Variants in AXDND1 observed in about 807,000 individuals in gnomAD.
The protein encoded by AXDND1 is axonemal dynein light chain domain-containing protein 1.
AXDND1 carries 110 observed loss-of-function variants against 137.5 expected under a neutral mutation model. The ratio of observed to expected loss-of-function variants is 0.80; its 90% CI spans 0.69 to 0.94. AXDND1 has a LOEUF of 0.94. Ranked by LOEUF, AXDND1 falls within the 40% of genes least tolerant of loss-of-function variation. The pLI, the probability that AXDND1 is intolerant of heterozygous loss-of-function variation, is 0.00. For synonymous variants in AXDND1, 414 were observed against 399.7 expected (o/e 1.04, Z -0.43); for missense variants, 1,191 against 1,169.8 (o/e 1.02, Z -0.26).
intron 15 of AXDND1, among the ~76,000 whole-genome samples, chr1:179,435,173 C>T (rs1657966912): frequency 1.3e-5 from 2 of 152,114 alleles, no homozygotes; most frequent in Admixed American, 1.3e-4. Flanking sequence ...CTACAAAACA[C>T]TGCTCAAGGA....
At chr1:179,443,094 A>C (rs1382313703) in intron 15 of AXDND1, among the ~76,000 whole-genome samples, 1 of 152,184 alleles carries the variant, frequency 6.6e-6, no homozygotes, top group Non-Finnish European at 1.5e-5. Flanking sequence ...TTCTCAATAG[A>C]TAACTTCAAG....
At chr1:179,443,723 T>C (rs1286683237) in intron 15 of AXDND1, among the ~76,000 whole-genome samples, 2 of 152,204 alleles carry the variant, frequency 1.3e-5, no homozygotes, top group African/African-American at 4.8e-5. Flanking sequence ...TTGCAGCAAG[T>C]GTCAGAATTT....
chr1:179,436,545 A>T (rs527845110), intron 15 of AXDND1, among the ~76,000 whole-genome samples: 1 of 152,322 alleles, frequency 6.6e-6, no homozygotes, highest in Non-Finnish European at 1.5e-5. Flanking sequence ...TTGCAGGGAC[A>T]TGGATGAAGC....
chr1:179,437,391 CAGT>C, intron 15 of AXDND1, among the ~76,000 whole-genome samples: 1 of 152,164 alleles, frequency 6.6e-6, no homozygotes, highest in Non-Finnish European at 1.5e-5. Flanking sequence ...CTAGATTTCT[CAGT>C]AGGTAACTTC....
At chr1:179,505,823 A>C (rs555095905) in intron 20 of AXDND1, among the ~76,000 whole-genome samples, 1 of 152,280 alleles carries the variant, frequency 6.6e-6, no homozygotes, top group Admixed American at 6.5e-5. Flanking sequence ...AAGAGTACTA[A>C]GGCAGTCCAG....
intron 16 of AXDND1, among the ~76,000 whole-genome samples, chr1:179,457,832 G>T (rs1415091022): frequency 6.6e-6 from 1 of 152,126 alleles, no homozygotes; most frequent in Non-Finnish European, 1.5e-5. Flanking sequence ...TTTACTTTCA[G>T]CCATGGATAC....
chr1:179,494,541 CTT>C (rs34915274), intron 20 of AXDND1, among the ~76,000 whole-genome samples: 62 of 141,558 alleles, frequency 4.4e-4, no homozygotes, highest in Admixed American at 8.4e-4. Flanking sequence ...TGTGATTTGT[CTT>C]TTTTTTTTTT....
chr1:179,511,101 AGGCTGCAGTGAGCCGAGATCAC>A (rs1669000810), intron 21 of AXDND1, among the ~76,000 whole-genome samples: 1 of 151,798 alleles, frequency 6.6e-6, no homozygotes, highest in African/African-American at 2.4e-5. Context: ...CAGGAGGTGG[AGGCTGCAGTGAGCCGAGATCAC>A]GCCACTGCAT....
At chr1:179,485,191 G>A (rs12137397) in intron 18 of AXDND1, among the ~76,000 whole-genome samples, 69,386 of 152,030 alleles carry the variant, frequency 0.46, 16,716 homozygotes, top group East Asian at 0.76. Flanking sequence ...TGATGAGCAC[G>A]CACCCTGCTG....
At chr1:179,431,722 G>C (rs1163712618) in intron 14 of AXDND1, among the ~76,000 whole-genome samples, 2 of 152,130 alleles carry the variant, frequency 1.3e-5, no homozygotes, top group Non-Finnish European at 2.9e-5. Flanking sequence ...CAAGCTGGCT[G>C]CTCCTGCCGT....
chr1:179,530,061 G>A (rs1297154750), intron 23 of AXDND1, among the ~76,000 whole-genome samples: 3 of 152,050 alleles, frequency 2.0e-5, no homozygotes, highest in South Asian at 4.1e-4. Context: ...CAGAGTCTTC[G>A]CACTGTCACC....
chr1:179,369,532 G>T (rs1396961430), intron 3 of AXDND1, among the ~76,000 whole-genome samples: 1 of 151,978 alleles, frequency 6.6e-6, no homozygotes, highest in Non-Finnish European at 1.5e-5. Flanking sequence ...TGCGCCTATA[G>T]TCCCAGCTAC....
At chr1:179,405,706 C>A (rs1172977912) in intron 11 of AXDND1, among the ~76,000 whole-genome samples, 1 of 134,478 alleles carries the variant, frequency 7.4e-6, no homozygotes, top group Non-Finnish European at 1.7e-5. Flanking sequence ...TCAGTTATAT[C>A]TCTTTTTGTT....
chr1:179,506,999 T>G, intron 20 of AXDND1: 1 of 709,910 alleles, frequency 1.4e-6, no homozygotes, highest in Non-Finnish European at 1.7e-6. Flanking sequence ...GCTCCATTTA[T>G]AGCCAGTGTC....
At chr1:179,530,150 C>T (rs1055732409) in intron 23 of AXDND1, among the ~76,000 whole-genome samples, 7 of 152,166 alleles carry the variant, frequency 4.6e-5, no homozygotes, top group Admixed American at 1.3e-4. Flanking sequence ...CTGCCTCAGC[C>T]TCCCAAGTAC....
At chr1:179,513,018 T>C (rs1318185990) in intron 21 of AXDND1, among the ~76,000 whole-genome samples, 1 of 152,196 alleles carries the variant, frequency 6.6e-6, no homozygotes, top group East Asian at 1.9e-4. Flanking sequence ...AATGACAGTT[T>C]GACTTCCTCT....
At chr1:179,487,754 T>C (rs1666243411) in intron 18 of AXDND1, among the ~76,000 whole-genome samples, 1 of 148,202 alleles carries the variant, frequency 6.7e-6, no homozygotes, top group Non-Finnish European at 1.5e-5. Context: ...CGACACTTTG[T>C]AAGGCCAAGG....
chr1:179,423,425 A>T (rs1656068925), intron 12 of AXDND1, among the ~76,000 whole-genome samples: 1 of 152,052 alleles, frequency 6.6e-6, no homozygotes, highest in South Asian at 2.1e-4. Context: ...AATTGAGTTC[A>T]TTTACATTCA....
Position 179,502,850 on chromosome 1 carries a change from C to G in AXDND1, c.2389-6446C>G, listed in dbSNP as rs1572102200. 2.6e-5 allele frequency among the ~76,000 whole-genome samples: 4 copies of G among 151,758 alleles called. No individual in the cohort carries two copies. In the South Asian group the frequency reaches 8.3e-4, roughly 32 times the overall value. ...GTGGCTCACACCTGTAATCCCAGCA[C>G]TTTGGGAGGCTGAGACGGGTGGATC... On this transcript the variant is annotated intron_variant, in intron 20 of 25. Transcript: ENST00000367618.
Sources: gnomAD v4.1 joint callset for allele counts (sites outside exome capture counted in the v4.1 genomes callset) on GRCh38, gnomAD v4.1.1 for gene constraint, MANE v1.5 for transcripts, NCBI Gene and HGNC (gene_info 2026-07-23, HGNC 2026-07-21) for gene names.